The following ATG9B variants were observed in gnomAD, a reference collection of about 807,000 sequenced individuals.
The protein encoded by ATG9B is autophagy related 9B, also known as autophagy-related protein 9B.
A neutral mutation model predicts 92.9 loss-of-function variants in ATG9B; 92 were observed. The ratio of observed to expected loss-of-function variants is 0.99; its 90% CI spans 0.84 to 1.18. The LOEUF (loss-of-function observed/expected upper bound fraction) is 1.18. ATG9B is among the 50% of genes most tolerant of loss of function. The pLI, the probability that ATG9B is intolerant of heterozygous loss-of-function variation, is 0.00. For missense variants in ATG9B, 1,344 were observed against 1,235.0 expected (o/e 1.09, Z -1.32); for synonymous variants, 599 against 551.4 (o/e 1.09, Z -1.21).
chr7:151,021,470 G>C, intron 4 of ATG9B, 141 bp from the exon 5 acceptor site: 1 of 1,179,918 alleles, frequency 8.5e-7, no homozygotes, highest in Non-Finnish European at 1.1e-6. Context: ...GCCCGGGGCA[G>C]GGGGTGGGTG....
chr7:151,021,431 C>A (rs1322480380), intron 4 of ATG9B, 102 bp from the exon 5 acceptor site: 25 of 1,434,462 alleles, frequency 1.7e-5, no homozygotes, highest in African/African-American at 5.7e-5. Context: ...GGAGGGGGAT[C>A]TAGCTAGACC....
At chr7:151,015,078 C>T (rs1241658520), downstream of ATG9B, 1 of 152,152 alleles carries the variant, frequency 6.6e-6, no homozygotes, top group Non-Finnish European at 1.5e-5. Context: ...TTCTCAGGCT[C>T]GTGATCGAGA....
chr7:151,021,464 G>C (rs150609992), intron 4 of ATG9B, 135 bp from the exon 5 acceptor site: 4 of 1,248,526 alleles, frequency 3.2e-6, no homozygotes, highest in Non-Finnish European at 3.2e-6. Flanking sequence ...GGTAGAGCCC[G>C]GGGCAGGGGG....
At chr7:151,013,808 T>G, downstream of ATG9B, 1 of 1,610,344 alleles carries the variant, frequency 6.2e-7, no homozygotes, top group Non-Finnish European at 8.5e-7. Context: ...CATGTTTGTC[T>G]GCGGCGATGT....
Position 151,024,054 on chromosome 7 carries a change from G to T in ATG9B, c.370C>A (p.Pro124Thr). The change falls in exon 1 of 14, where the codon CCG becomes ACG. Residue 124 changes from proline to threonine, a missense_variant. By Grantham distance (38) the Pro-to-Thr change is conservative. Transcript: ENST00000639579. ...WGSHSTPPLA[P>T]ATPTPSQQCP... Reference sequence around the variant, plus strand: ...TGCTGTGAGGGAGTGGGGGTTGCCGGGGCCAGGGGTGGGGTGGAGTGGGAT... The same window carrying T: ...TGCTGTGAGGGAGTGGGGGTTGCCGTGGCCAGGGGTGGGGTGGAGTGGGAT... 1 of 1,590,920 alleles carries T rather than the reference G, an allele frequency of 6.3e-7. No individual in the cohort carries two copies. The highest frequency in any genetic ancestry group is 2.3e-5 in the East Asian group (1 of 44,068).
In ATG9B at chr7:151,018,911, A is replaced by AGCGCGCCAGGC; in HGVS notation, c.1416_1426dup (p.Leu476ArgfsTer82). Reference sequence around the variant, plus strand: ...CAGGCGGGACCAGCCGCGCGCCCCCAGCGCGCCAGGCTCGCGCCGCAGCAG... The same window carrying AGCGCGCCAGGC: ...CAGGCGGGACCAGCCGCGCGCCCCCAGCGCGCCAGGCGCGCGCCAGGCTCGCGCCGCAGCAG... On this transcript the variant is annotated frameshift_variant, in exon 6 of 14. Transcript: ENST00000639579. LOFTEE classifies it high-confidence loss of function. The surrounding 1 kb of genome is among the most constrained non-coding windows in gnomAD (Gnocchi z 4.7). 1 of 1,493,546 alleles carries AGCGCGCCAGGC rather than the reference A, an allele frequency of 6.7e-7. No homozygotes were observed. Among genetic ancestry groups the AGCGCGCCAGGC allele is most frequent in the Non-Finnish European group, 8.8e-7 (1 of 1,130,206 alleles). 92.5% of individuals were successfully genotyped at this position (1,493,546 alleles called of 1,614,324 possible).
Position 151,015,958 on chromosome 7 carries a change from C to T in ATG9B, c.2713G>A (p.Gly905Arg), listed in dbSNP as rs1193140397. The change falls in exon 13 of 14, where the codon GGA becomes AGA. Residue 905 changes from glycine (G) to arginine (R), a missense_variant. Physicochemically the swap from Gly to Arg is moderately radical, Grantham distance 125. Transcript: ENST00000639579. ...GTQKARNLFP[G>R]GFQVTTDTQK... ...GTGTCTGTGGTCACCTGAAACCCTC[C>T]GGGGAACAGATTCCGGGCCTTCTGG... 7.7e-6 allele frequency: 12 copies of T among 1,551,536 alleles called. No homozygotes were observed. The East Asian group carries it at 1.2e-4, about 16-fold the overall frequency.
chr7:151,021,366 G>A, intron 4 of ATG9B, 37 bp from the exon 5 acceptor site: 1 of 1,540,890 alleles, frequency 6.5e-7, no homozygotes, highest in Non-Finnish European at 8.7e-7. Context: ...GGAGAAAGGT[G>A]GGCGCCTGAG....
chr7:151,017,818 G>A (rs1795563714), intron 8 of ATG9B, 53 bp downstream of exon 8: 1 of 1,501,808 alleles, frequency 6.7e-7, no homozygotes, highest in Non-Finnish European at 8.9e-7. Flanking sequence ...CTCCCGAGAG[G>A]CAAGCGAACT....
chr7:151,024,392 C>A lies in ATG9B; in HGVS notation c.32G>T (p.Arg11Ile). The change falls in exon 1 of 14, where the codon AGA becomes ATA. Residue 11 changes from arginine (R) to isoleucine (I), a missense_variant. Transcript: ENST00000639579. MVSRMGWGGR[R>I]RRLGRWGDLG... ...ATCTCCCCACCGCCCCAGCCGCCTT[C>A]TTCTCCCCCCCCAGCCCATTCGGCT... 7.3e-7 allele frequency: 1 copy of A among 1,378,168 alleles called. No individual in the cohort carries two copies. The highest frequency in any genetic ancestry group is 2.7e-5 in the East Asian group (1 of 36,814). 85.4% of individuals were successfully genotyped at this position (1,378,168 alleles called of 1,614,324 possible). A position where few individuals can be genotyped will look rare whatever the true frequency, so the allele number is the denominator to read the frequency against.
At chr7:151,014,257 T>C (rs1795390705), downstream of ATG9B, 1 of 1,323,054 alleles carries the variant, frequency 7.6e-7, no homozygotes, top group Non-Finnish European at 1.0e-6. Flanking sequence ...TCCTCCCCTC[T>C]TGAGGTGGTG....
chr7:151,021,384 C>T, intron 4 of ATG9B, 55 bp from the exon 5 acceptor site: 2 of 1,521,082 alleles, frequency 1.3e-6, no homozygotes, highest in Non-Finnish European at 8.8e-7. Flanking sequence ...GAGAAAGAGG[C>T]AGACCAGACT....
chr7:151,013,330 TGTTTGGCCGA>T, downstream of ATG9B: 1 of 1,613,764 alleles, frequency 6.2e-7, no homozygotes, highest in Non-Finnish European at 8.5e-7. Context: ...CAGCGCGGGG[TGTTTGGCCGA>T]GTCCTCACCG....
At position 151,015,915 on chromosome 7, in the gene ATG9B, C is replaced by G; in HGVS notation, c.2756G>C (p.Arg919Pro). ...GTCGTCTCAGTCAGTGCAAGAGGCC[C>G]GGTCAGGCTCCTTCTGGGTGTCTGT... is the stretch of plus-strand genomic sequence containing the variant. ...VTTDTQKEPDRASCTD is the reference protein window; with the variant it reads ...VTTDTQKEPDPASCTD Residue 919 changes from arginine (R) to proline (P), a missense_variant, in exon 13 of 14, where the codon CGG (arginine) becomes CCG (proline). Arg to Pro is a moderately radical substitution (Grantham distance 103, BLOSUM62 -2). Coordinates refer to ENST00000639579, the MANE Select transcript of ATG9B (RefSeq NM_001317056.2). 2 of 1,551,644 alleles carry G rather than the reference C, an allele frequency of 1.3e-6. No individual in the cohort carries two copies. The highest frequency in any genetic ancestry group is 2.4e-5 in the East Asian group (1 of 40,922).
chr7:151,013,712 G>C (rs77325852), downstream of ATG9B: 2 of 1,157,318 alleles, frequency 1.7e-6, no homozygotes, highest in Non-Finnish European at 1.3e-6. Context: ...CCCTAACCCC[G>C]CCGCCCCGCA....
intron 8 of ATG9B, among the ~76,000 whole-genome samples, 162 bp downstream of exon 8, chr7:151,017,709 G>T (rs1020681746): frequency 6.6e-6 from 1 of 152,192 alleles, no homozygotes; most frequent in Non-Finnish European, 1.5e-5. Context: ...TGCCATTGTT[G>T]CCATCTGACA....
In ATG9B at chr7:151,018,517, A is replaced by G. The variant is rs915135482; in HGVS notation, c.1719-70T>C. 3 of 1,522,538 alleles carry G rather than the reference A, an allele frequency of 2.0e-6. No homozygotes were observed. The highest frequency in any genetic ancestry group is 2.6e-6 in the Non-Finnish European group (3 of 1,137,110). 94.3% of individuals were successfully genotyped at this position (1,522,538 alleles called of 1,614,324 possible). A position where few individuals can be genotyped will look rare whatever the true frequency, so the allele number is the denominator to read the frequency against. On this transcript the variant is annotated intron_variant, in intron 6 of 13. Coordinates refer to ENST00000639579, the MANE Select transcript of ATG9B (RefSeq NM_001317056.2). This position sits in a 1 kb window ranked among gnomAD's most constrained non-coding sequence, Gnocchi z 4.7. ...GACGCGCGGTGGGATGTAGGGCTAG[A>G]GGGCCCCAGTGGTGGGAGAGGTAAG...
In ATG9B at chr7:151,019,186, G is replaced by GGGCAGCGGGCAGCGGGCC; in HGVS notation, c.1134_1151dup (p.Ala379_Pro384dup). ...TGAGGAAAGCCGCACTGCCTCCCCA[G>GGGCAGCGGGCAGCGGGCC]GGCAGCGGGCAGCGGGCCGGCAGCA... On this transcript the variant is annotated inframe_insertion, in exon 6 of 14. Transcript: ENST00000639579. 6.5e-7 allele frequency: 1 copy of GGGCAGCGGGCAGCGGGCC among 1,536,904 alleles called. No individual in the cohort carries two copies. The highest frequency in any genetic ancestry group is 8.7e-7 in the Non-Finnish European group (1 of 1,146,598).
chr7:151,012,396 C>T (rs1064353), downstream of ATG9B: 1 of 1,599,278 alleles, frequency 6.3e-7, no homozygotes, highest in East Asian at 2.2e-5. Context: ...TGCCCTGCAT[C>T]CTGGTGGGTC....
Sources: gnomAD v4.1 joint callset for allele counts (sites outside exome capture counted in the v4.1 genomes callset) on GRCh38, gnomAD v4.1.1 for gene constraint, Gnocchi (gnomAD v3.1) non-coding constraint, MANE v1.5 for transcripts, NCBI Gene and HGNC (gene_info 2026-07-23, HGNC 2026-07-21) for gene names.